Variants in CDH13 observed in about 807,000 individuals in gnomAD.
CDH13 encodes the protein cadherin 13.
CDH13 carries 24 observed loss-of-function variants against 63.8 expected under a neutral mutation model. That is an observed-to-expected ratio of 0.38 (90% CI 0.27 to 0.53). The LOEUF is 0.53. Among genes scored for constraint, CDH13 ranks in the 20% least tolerant of loss-of-function variants. The probability of loss-of-function intolerance (pLI) is 0.85; values close to 1 mark genes in which losing one functional copy is unlikely to be tolerated. For synonymous variants in CDH13, 503 were observed against 355.3 expected, an observed-to-expected ratio of 1.42 and a Z score of -4.67; for missense variants, 1,049 against 903.1, an observed-to-expected ratio of 1.16 and a Z score of -2.07.
chr16:82,808,115 T>C (rs188126318), intron 1 of CDH13, among the ~76,000 whole-genome samples: 1 of 152,304 alleles, frequency 6.6e-6, no homozygotes, highest in East Asian at 1.9e-4. Context: ...TCAGTGAGCC[T>C]GGGCAACACC....
intron 2 of CDH13, among the ~76,000 whole-genome samples, chr16:82,914,315 C>T (rs1597203830): frequency 1.3e-5 from 2 of 152,100 alleles, no homozygotes; most frequent in Admixed American, 6.5e-5. Flanking sequence ...CTATCATAAC[C>T]CGTATAGTCT....
chr16:82,745,190 GACT>G (rs2034107071), intron 1 of CDH13, among the ~76,000 whole-genome samples: 1 of 152,204 alleles, frequency 6.6e-6, no homozygotes, highest in African/African-American at 2.4e-5. Flanking sequence ...GACTCAGGCT[GACT>G]TGGAGTTGTG....
At position 82,852,138 on chromosome 16, in the gene CDH13, G is replaced by A. The variant is rs1037797387; in HGVS notation, c.46-6224G>A. On this transcript the variant is annotated intron_variant, in intron 1 of 13. Coordinates refer to ENST00000567109, the MANE Select transcript of CDH13 (RefSeq NM_001257.5). ...TGAGATTAATTATTTGTGGCAGGAA[G>A]TTTCTCTCTTTATTTGTGGCTGCTT... is the stretch of plus-strand genomic sequence containing the variant. 2.0e-5 allele frequency among the ~76,000 whole-genome samples: 3 copies of A among 152,310 alleles called. No homozygotes were observed. The South Asian group carries it at 6.2e-4, about 32-fold the overall frequency.
intron 1 of CDH13, among the ~76,000 whole-genome samples, chr16:82,778,582 A>AAC (rs1555514699): frequency 6.0e-5 from 9 of 150,886 alleles, no homozygotes; most frequent in Non-Finnish European, 1.3e-4. Context: ...AAAAAAAAAA[A>AAC]AAAAAAAAAA....
intron 1 of CDH13, among the ~76,000 whole-genome samples, chr16:82,815,992 C>T (rs1163776552): frequency 6.6e-6 from 1 of 151,996 alleles, no homozygotes; most frequent in African/African-American, 2.4e-5. Flanking sequence ...AATGTATTAC[C>T]AAGTATGTGA....
At position 83,276,888 on chromosome 16, in the gene CDH13, G is replaced by A. The variant is rs117328453; in HGVS notation, c.636+59391G>A. On this transcript the variant is annotated intron_variant, in intron 5 of 13. Coordinates refer to ENST00000567109, the MANE Select transcript of CDH13 (RefSeq NM_001257.5). ...CCATCTCAAAAAACAACAAACAAAA[G>A]CATGTCACATCTTACGTAGATGTTG... 3.8e-3 allele frequency among the ~76,000 whole-genome samples: 571 copies of A among 152,196 alleles called. 3 individuals are homozygous for A. The highest frequency in any genetic ancestry group is 6.9e-3 in the Non-Finnish European group (469 of 68,010).
rs528019599 is a variant in CDH13 at position 83,057,004 on chromosome 16, G to A, written c.366+24786G>A. 2.6e-5 allele frequency among the ~76,000 whole-genome samples: 4 copies of A among 152,178 alleles called. No individual in the cohort carries two copies. The South Asian group carries it at 6.2e-4, about 24-fold the overall frequency. ...GTTTTTTGAGATGGAGTCTCACTCTGTCGCCAGTCTGGAGTGCAGTGGTGC... is the reference window on the plus strand; with the variant it reads ...GTTTTTTGAGATGGAGTCTCACTCTATCGCCAGTCTGGAGTGCAGTGGTGC... On this transcript the variant is annotated intron_variant, in intron 3 of 13. Coordinates refer to ENST00000567109, the MANE Select transcript of CDH13 (RefSeq NM_001257.5).
At chr16:83,532,654 C>T (rs966053179) in intron 7 of CDH13, among the ~76,000 whole-genome samples, 1 of 152,226 alleles carries the variant, frequency 6.6e-6, no homozygotes, top group Admixed American at 6.5e-5. Context: ...CAGTTTCTTC[C>T]TCTGCAATCT....
At chr16:83,594,835 G>T (rs1200030987) in intron 7 of CDH13, among the ~76,000 whole-genome samples, 1 of 152,188 alleles carries the variant, frequency 6.6e-6, no homozygotes, top group African/African-American at 2.4e-5. Flanking sequence ...TCTGGTGATG[G>T]ATTAAGTGCC....
At chr16:82,697,965 A>T (rs1204140045) in intron 1 of CDH13, among the ~76,000 whole-genome samples, 1 of 152,140 alleles carries the variant, frequency 6.6e-6, no homozygotes, top group African/African-American at 2.4e-5. Flanking sequence ...TACCCCATAG[A>T]TGAGCTCCTT....
intron 7 of CDH13, among the ~76,000 whole-genome samples, chr16:83,535,569 G>A (rs1241727902): frequency 3.9e-5 from 6 of 152,150 alleles, no homozygotes; most frequent in South Asian, 2.1e-4. Flanking sequence ...TACTTCATTC[G>A]TTGATTCCAC....
chr16:83,567,737 A>C (rs752099048), intron 7 of CDH13, among the ~76,000 whole-genome samples: 4 of 152,072 alleles, frequency 2.6e-5, no homozygotes, highest in Non-Finnish European at 5.9e-5. Context: ...CTGGCACTAC[A>C]GGCGCCCGCC....
chr16:83,489,331 C>T (rs2073959484), intron 7 of CDH13, among the ~76,000 whole-genome samples: 1 of 152,116 alleles, frequency 6.6e-6, no homozygotes, highest in African/African-American at 2.4e-5. Flanking sequence ...CACAAAACAT[C>T]AACAGCCCCC....
Position 82,894,240 on chromosome 16 carries a change from C to T in CDH13, c.157+35767C>T, listed in dbSNP as rs903394184. ...AAAGAGATGAGATTACAGGTGTGAG[C>T]CACTCTGCCCAGCTCCAGGGCAGGA... On this transcript the variant is annotated intron_variant, in intron 2 of 13. Transcript: ENST00000567109. Among the ~76,000 whole-genome samples, 4 of 152,124 alleles carry T rather than the reference C, an allele frequency of 2.6e-5. No homozygotes were observed. The South Asian group carries it at 8.3e-4, about 32-fold the overall frequency.
intron 10 of CDH13, among the ~76,000 whole-genome samples, chr16:83,719,674 G>A (rs1003367676): frequency 2.6e-5 from 4 of 152,138 alleles, no homozygotes; most frequent in African/African-American, 7.2e-5. Flanking sequence ...AGGTATGCAC[G>A]GTTACTTCCA....
At chr16:83,158,672 C>G (rs75675724) in intron 4 of CDH13, among the ~76,000 whole-genome samples, 2 of 152,350 alleles carry the variant, frequency 1.3e-5, no homozygotes, top group African/African-American at 2.4e-5. Context: ...TAAACAGATC[C>G]ACGGTACACT....
At chr16:83,662,946 T>C (rs1913577171) in intron 8 of CDH13, among the ~76,000 whole-genome samples, 1 of 152,208 alleles carries the variant, frequency 6.6e-6, no homozygotes. Flanking sequence ...ATTTGTCTTT[T>C]GTCTTTGAGT....
chr16:82,753,524 G>C (rs1201611574), intron 1 of CDH13, among the ~76,000 whole-genome samples: 3 of 152,036 alleles, frequency 2.0e-5, no homozygotes, highest in Admixed American at 1.3e-4. Context: ...CCTAGATATT[G>C]CCCCATGCAT....
intron 1 of CDH13, among the ~76,000 whole-genome samples, chr16:82,687,303 C>T (rs1915176989): frequency 6.6e-6 from 1 of 152,136 alleles, no homozygotes; most frequent in Non-Finnish European, 1.5e-5. Context: ...GGTGGGGTTA[C>T]TATTTCCAAT....
Sources: allele counts gnomAD v4.1 joint callset (sites outside exome capture counted in the v4.1 genomes callset), GRCh38; gene constraint gnomAD v4.1.1; transcripts MANE v1.5; gene names NCBI Gene and HGNC (gene_info 2026-07-23, HGNC 2026-07-21).